Variants in STK17B observed in about 807,000 individuals in gnomAD.
The protein encoded by STK17B is serine/threonine kinase 17b.
In STK17B, 21 loss-of-function variants were observed where a neutral mutation model predicts 42.0. That is an observed-to-expected ratio of 0.50 (90% CI 0.35 to 0.72). STK17B has a LOEUF of 0.72. Among genes scored for constraint, STK17B ranks in the 30% least tolerant of loss-of-function variants. STK17B has a pLI of 0.00. For missense variants in STK17B, 349 were observed against 446.0 expected (o/e 0.78, Z 1.96); for synonymous variants, 143 against 148.4 (o/e 0.96, Z 0.26).
In STK17B at chr2:196,133,820, T is replaced by A. The variant is rs1251051590; in HGVS notation, c.*3627A>T. The A allele has an allele frequency of 6.6e-6, 1 of 152,238 alleles. No homozygotes were observed. Among genetic ancestry groups the A allele is most frequent in the Non-Finnish European group, 1.5e-5 (1 of 68,042 alleles). The allele number at this position is 152,238 out of a possible 1,614,324, so 9.4% of individuals were successfully genotyped here. A position where few individuals can be genotyped will look rare whatever the true frequency, so the allele number is the denominator to read the frequency against. Reference sequence around the variant, plus strand: ...TGTCTATATGCCTTAAGCAAGATTATTATTTAATAAAATATGGCAGGAAGT... The same window carrying A: ...TGTCTATATGCCTTAAGCAAGATTAATATTTAATAAAATATGGCAGGAAGT... On this transcript the variant is annotated 3_prime_UTR_variant, in exon 8 of 8. Transcript: ENST00000263955.
intron 1 of STK17B, among the ~76,000 whole-genome samples, chr2:196,164,554 A>G (rs1265221444): frequency 6.6e-6 from 1 of 152,216 alleles, no homozygotes; most frequent in Non-Finnish European, 1.5e-5. Context: ...ATCAATTATT[A>G]TTCTTTTAGC....
chr2:196,175,248 G>A (rs991782346), upstream of STK17B, among the ~76,000 whole-genome samples: 1 of 151,866 alleles, frequency 6.6e-6, no homozygotes, highest in African/African-American at 2.4e-5. Flanking sequence ...AATTTTCATC[G>A]GAAACACTTG....
upstream of STK17B, among the ~76,000 whole-genome samples, chr2:196,173,527 G>A (rs941641561): frequency 2.0e-5 from 3 of 152,326 alleles, no homozygotes; most frequent in African/African-American, 7.2e-5. Context: ...CTCAGGCACT[G>A]TGGTTCAAGT....
In STK17B at chr2:196,136,300, T is replaced by G. The variant is rs192582810; in HGVS notation, c.*1147A>C. ...CCATAAGCAAACATTTTGCTCTCCCTAGTCTCTTGCATTGGTCCCAGCAAA... is the reference window on the plus strand; with the variant it reads ...CCATAAGCAAACATTTTGCTCTCCCGAGTCTCTTGCATTGGTCCCAGCAAA... On this transcript the variant is annotated 3_prime_UTR_variant, in exon 8 of 8. Transcript: ENST00000263955. 1 of 152,426 alleles carries G rather than the reference T, an allele frequency of 6.6e-6. No individual in the cohort carries two copies. The highest frequency in any genetic ancestry group is 1.5e-5 in the Non-Finnish European group (1 of 68,038). The allele number at this position is 152,426 out of a possible 1,614,324, so 9.4% of individuals were successfully genotyped here.
chr2:196,154,494 C>A (rs1225938367), intron 3 of STK17B: 2 of 152,186 alleles, frequency 1.3e-5, no homozygotes, highest in African/African-American at 4.8e-5. Context: ...CTACAACTTT[C>A]AAATGGTTCA....
chr2:196,169,983 T>C (rs1375592963), intron 1 of STK17B, among the ~76,000 whole-genome samples: 1 of 152,170 alleles, frequency 6.6e-6, no homozygotes, highest in East Asian at 1.9e-4. Context: ...AAAAGTTTAA[T>C]TGAGCATCTG....
chr2:196,150,966 T>C (rs758752623), intron 3 of STK17B, among the ~76,000 whole-genome samples: 2 of 152,134 alleles, frequency 1.3e-5, no homozygotes, highest in African/African-American at 2.4e-5. Flanking sequence ...TCAACATACG[T>C]TATGGTTGAA....
At position 196,136,113 on chromosome 2, in the gene STK17B, C is replaced by A. The variant is rs1292507981; in HGVS notation, c.*1334G>T. ...AGGGGGAACATCAGGTTGTTGTTACCATTTGTCAAACTATTTCTTCTGATA... is the reference window on the plus strand; with the variant it reads ...AGGGGGAACATCAGGTTGTTGTTACAATTTGTCAAACTATTTCTTCTGATA... On this transcript the variant is annotated 3_prime_UTR_variant, in exon 8 of 8. Coordinates refer to ENST00000263955, the MANE Select transcript of STK17B (RefSeq NM_004226.4). The A allele has an allele frequency of 6.6e-6, 1 of 152,056 alleles. No homozygotes were observed. Among genetic ancestry groups the A allele is most frequent in the Non-Finnish European group, 1.5e-5 (1 of 68,020 alleles). 9.4% of individuals were successfully genotyped at this position (152,056 alleles called of 1,614,324 possible).
chr2:196,160,259 G>C lies in STK17B; in HGVS notation c.122+3003C>G, dbSNP rs75885050. 3.2e-3 allele frequency among the ~76,000 whole-genome samples: 483 copies of C among 152,240 alleles called. 7 individuals carry two copies. The highest frequency in any genetic ancestry group is 0.027 in the East Asian group (139 of 5,186). On this transcript the variant is annotated intron_variant, in intron 2 of 7. Transcript: ENST00000263955. ...CAATAAAATGTGAAAGGAGGCGGGA[G>C]GGTAAGCCACAAAGGAAGCTGACGT... is the stretch of plus-strand genomic sequence containing the variant.
intron 1 of STK17B, among the ~76,000 whole-genome samples, 182 bp downstream of exon 1, chr2:196,171,151 A>T (rs1699936859): frequency 6.6e-6 from 1 of 152,184 alleles, no homozygotes; most frequent in African/African-American, 2.4e-5. Context: ...CCAGCCGCAA[A>T]GCGGAGAGGC....
intron 3 of STK17B, 111 bp from the exon 4 acceptor site, chr2:196,146,166 T>G: frequency 8.7e-7 from 1 of 1,151,910 alleles, no homozygotes; most frequent in Non-Finnish European, 1.1e-6. Context: ...GTTAATACGT[T>G]ACACTTAAAA....
rs894544484 is a variant in STK17B, at chr2:196,150,112, A to C, written c.336-4057T>G. Among the ~76,000 whole-genome samples, 5 of 151,094 alleles carry C rather than the reference A, an allele frequency of 3.3e-5. No individual in the cohort carries two copies. In the Admixed American group the frequency reaches 3.3e-4, roughly 10 times the overall value. ...TGGCAGAAATTGGAAAAAGAAACAG[A>C]AGCAGTGAGTAGCAAACAAGACTTC... On this transcript the variant is annotated intron_variant, in intron 3 of 7. Coordinates refer to ENST00000263955, the MANE Select transcript of STK17B (RefSeq NM_004226.4).
chr2:196,142,143 C>A (rs902902602), intron 5 of STK17B, among the ~76,000 whole-genome samples: 1 of 152,130 alleles, frequency 6.6e-6, no homozygotes, highest in African/African-American at 2.4e-5. Context: ...ACTGCAACCT[C>A]CACCTCTTGG....
At chr2:196,141,367 G>T in intron 5 of STK17B, 70 bp from the exon 6 acceptor site, 2 of 1,274,638 alleles carry the variant, frequency 1.6e-6, no homozygotes, top group Non-Finnish European at 1.1e-6. Flanking sequence ...TTTATATTAC[G>T]TTATAACTGG....
chr2:196,146,037 A>T lies in STK17B; in HGVS notation c.354T>A (p.Ile118=). 1.3e-6 allele frequency: 2 copies of T among 1,589,302 alleles called. No individual in the cohort carries two copies. The highest frequency in any genetic ancestry group is 1.7e-6 in the Non-Finnish European group (2 of 1,173,154). ...CCAACTCAGGTAAACACAGGCTGAA[A>T]ATTTCTCCACCTGCAGCACTAAAAT... The part of the protein sequence containing the change: ...LILEYAAGGE[I]FSLCLPELAE... The change falls in exon 4 of 8, where the codon ATT becomes ATA. Residue 118 remains isoleucine, a synonymous_variant. Coordinates refer to ENST00000263955, the MANE Select transcript of STK17B (RefSeq NM_004226.4).
intron 3 of STK17B, among the ~76,000 whole-genome samples, chr2:196,147,826 G>A (rs572065887): frequency 6.6e-6 from 1 of 151,884 alleles, no homozygotes; most frequent in East Asian, 1.9e-4. Context: ...CCACCTCCTG[G>A]GTTCAAGAGA....
chr2:196,152,471 T>A (rs1177316845), intron 3 of STK17B, among the ~76,000 whole-genome samples: 1 of 152,220 alleles, frequency 6.6e-6, no homozygotes, highest in East Asian at 1.9e-4. Context: ...CAACATCTAA[T>A]AAAACTACAT....
intron 7 of STK17B, 124 bp from the exon 8 acceptor site, chr2:196,137,853 A>T (rs1699430627): frequency 9.4e-7 from 1 of 1,060,320 alleles, no homozygotes; most frequent in Middle Eastern, 2.1e-4. Flanking sequence ...ATAGTATAAA[A>T]TCCAAACAGT....
At position 196,141,182 on chromosome 2, in the gene STK17B, A is replaced by T; in HGVS notation, c.656+67T>A. On this transcript the variant is annotated intron_variant, in intron 6 of 7. Transcript: ENST00000263955. ...TTATTATTTATTACTCTTGGAGTCA[A>T]AGAACCCCAGAATATACGTTTCCCA... is the stretch of plus-strand genomic sequence containing the variant. 2.4e-6 allele frequency: 3 copies of T among 1,232,770 alleles called. No homozygotes were observed. In the South Asian group the frequency reaches 4.0e-5, roughly 16 times the overall value. 76.4% of individuals were successfully genotyped at this position (1,232,770 alleles called of 1,614,324 possible).
Sources: gnomAD v4.1 joint callset for allele counts (sites outside exome capture counted in the v4.1 genomes callset) on GRCh38, gnomAD v4.1.1 for gene constraint, MANE v1.5 for transcripts, NCBI Gene and HGNC (gene_info 2026-07-23, HGNC 2026-07-21) for gene names.